OSBPL1A: variants seen among roughly 807,000 people sequenced by gnomAD.
OSBPL1A encodes the protein oxysterol binding protein like 1A.
In OSBPL1A, 80 loss-of-function variants were observed where a neutral mutation model predicts 137.1. The ratio of observed to expected loss-of-function variants is 0.58; its 90% confidence interval spans 0.49 to 0.70. The LOEUF (loss-of-function observed/expected upper bound fraction) is 0.70. Ranked by LOEUF, OSBPL1A falls within the 30% of genes least tolerant of loss-of-function variation. OSBPL1A has a pLI of 0.00. For synonymous variants in OSBPL1A, 365 were observed against 389.7 expected, an observed-to-expected ratio of 0.94 and a Z score of 0.75; for missense variants, 970 against 1,129.4, an observed-to-expected ratio of 0.86 and a Z score of 2.02.
chr18:24,365,790 C>CT (rs1599719988), intron 4 of OSBPL1A, among the ~76,000 whole-genome samples: 3 of 152,110 alleles, frequency 2.0e-5, no homozygotes, highest in South Asian at 4.1e-4. Context: ...AAAATGCACA[C>CT]TTACAATATG....
chr18:24,319,731 T>G (rs1228977038), intron 7 of OSBPL1A, among the ~76,000 whole-genome samples: 1 of 152,130 alleles, frequency 6.6e-6, no homozygotes, highest in African/African-American at 2.4e-5. Flanking sequence ...TCTCCTAGCC[T>G]CAAATAGCTT....
rs1451009917 is a variant in OSBPL1A at position 24,195,887 on chromosome 18, G to A, written c.1677+238C>T. ...AAATGTGCTGTGTCAACAGAAACAC[G>A]GCATTTTCAGTTTCTGTTTGTTTTT... On this transcript the variant is annotated intron_variant, in intron 18 of 27. Coordinates refer to ENST00000319481, the MANE Select transcript of OSBPL1A (RefSeq NM_080597.4). The A allele has an allele frequency of 2.8e-5, 13 of 462,920 alleles. 1 individual carries two copies. Among genetic ancestry groups the A allele is most frequent in the South Asian group, 1.3e-4 (6 of 44,842 alleles). The allele number at this position is 462,920 out of a possible 1,614,324, so 28.7% of individuals were successfully genotyped here. A position where few individuals can be genotyped will look rare whatever the true frequency, so the allele number is the denominator to read the frequency against.
At chr18:24,304,715 G>A (rs1463784803) in intron 13 of OSBPL1A, among the ~76,000 whole-genome samples, 5 of 151,994 alleles carry the variant, frequency 3.3e-5, no homozygotes, top group African/African-American at 1.2e-4. Flanking sequence ...ATGTCAAGGT[G>A]GCATAGGTAA....
At position 24,195,959 on chromosome 18, in the gene OSBPL1A, TTCTTGTCAGAAAAAAGTCACCTAC is replaced by T; in HGVS notation, c.1677+142_1677+165del. 3 of 610,080 alleles carry T rather than the reference TTCTTGTCAGAAAAAAGTCACCTAC, an allele frequency of 4.9e-6. No homozygotes were observed. The South Asian group carries it at 5.5e-5, about 11-fold the overall frequency. The allele number at this position is 610,080 out of a possible 1,614,324, so 37.8% of individuals were successfully genotyped here. ...ACTAAAGCCATTAGAGCAGCTCAAATTCTTGTCAGAAAAAAGTCACCTACGACTTTTCACAATTTATGATTCTCG... is the reference window on the plus strand; with the variant it reads ...ACTAAAGCCATTAGAGCAGCTCAAATGACTTTTCACAATTTATGATTCTCG... On this transcript the variant is annotated intron_variant, in intron 18 of 27. Coordinates refer to ENST00000319481, the MANE Select transcript of OSBPL1A (RefSeq NM_080597.4).
intron 9 of OSBPL1A, among the ~76,000 whole-genome samples, 184 bp from the exon 10 acceptor site, chr18:24,317,584 G>T (rs1383056835): frequency 6.6e-6 from 1 of 152,148 alleles, no homozygotes; most frequent in Non-Finnish European, 1.5e-5. Context: ...TACCACTACA[G>T]GGTGACAGGA....
intron 15 of OSBPL1A, among the ~76,000 whole-genome samples, chr18:24,276,258 C>T (rs2089843800): frequency 6.6e-6 from 1 of 152,144 alleles, no homozygotes; most frequent in South Asian, 2.1e-4. Context: ...AAACCAGTTT[C>T]TGGCATTTTG....
chr18:24,246,683 C>T (rs1032471310), intron 15 of OSBPL1A, among the ~76,000 whole-genome samples: 5 of 150,590 alleles, frequency 3.3e-5, no homozygotes, highest in Middle Eastern at 3.5e-3. Flanking sequence ...CCCAGCTAGT[C>T]GGGAGGCTGA....
intron 14 of OSBPL1A, among the ~76,000 whole-genome samples, chr18:24,284,288 T>A (rs2090025138): frequency 6.6e-6 from 1 of 152,114 alleles, no homozygotes; most frequent in East Asian, 1.9e-4. Flanking sequence ...TGCAAATACG[T>A]TTTAGCTGGT....
intron 14 of OSBPL1A, among the ~76,000 whole-genome samples, chr18:24,290,977 A>G (rs1033331296): frequency 6.6e-6 from 1 of 152,202 alleles, no homozygotes; most frequent in African/African-American, 2.4e-5. Context: ...TAAAACTAGT[A>G]GCCCAGAAGC....
chr18:24,229,470 C>T (rs1441771566), intron 16 of OSBPL1A, among the ~76,000 whole-genome samples: 1 of 152,224 alleles, frequency 6.6e-6, no homozygotes, highest in Admixed American at 6.5e-5. Flanking sequence ...ATAGTTTGGG[C>T]TTACTCTGTC....
intron 1 of OSBPL1A, among the ~76,000 whole-genome samples, chr18:24,397,220 C>T (rs1243804297): frequency 1.3e-5 from 2 of 152,192 alleles, no homozygotes; most frequent in South Asian, 4.1e-4. Context: ...CCACGCGGTA[C>T]ATTGGGAAAC....
intron 1 of OSBPL1A, among the ~76,000 whole-genome samples, chr18:24,387,921 G>A (rs543171415): frequency 1.3e-4 from 20 of 151,920 alleles, no homozygotes; most frequent in African/African-American, 4.4e-4. Context: ...GGCCTGCATC[G>A]CCTTCCCTAA....
At chr18:24,392,411 G>A (rs780185564) in intron 1 of OSBPL1A, among the ~76,000 whole-genome samples, 8 of 150,356 alleles carry the variant, frequency 5.3e-5, no homozygotes, top group Non-Finnish European at 5.9e-5. Context: ...TGCCCACCTC[G>A]GCCTCCCATA....
rs116705215 is a variant in OSBPL1A at position 24,174,912 on chromosome 18, A to C, written c.2094-2429T>G. 6.1e-3 allele frequency among the ~76,000 whole-genome samples: 926 copies of C among 150,978 alleles called. 8 individuals carry two copies. The highest frequency in any genetic ancestry group is 0.022 in the African/African-American group (892 of 41,016). ...CTTAGCTTCCCTAGTAGCTATGACT[A>C]CAGGCATGTGTCCCCATGCCTGGCT... On this transcript the variant is annotated intron_variant, in intron 21 of 27. Coordinates refer to ENST00000319481, the MANE Select transcript of OSBPL1A (RefSeq NM_080597.4).
At chr18:24,368,128 T>C (rs557440623) in intron 3 of OSBPL1A, 159 bp downstream of exon 3, 2 of 470,212 alleles carry the variant, frequency 4.3e-6, no homozygotes, top group Non-Finnish European at 7.7e-6. Context: ...ACCTAATTCA[T>C]GTATTTATTT....
intron 1 of OSBPL1A, among the ~76,000 whole-genome samples, chr18:24,390,160 A>G (rs1412607617): frequency 6.6e-6 from 1 of 152,152 alleles, no homozygotes. Context: ...CATACATATA[A>G]CAACATGCAA....
intron 16 of OSBPL1A, among the ~76,000 whole-genome samples, chr18:24,226,305 G>A (rs984198884): frequency 6.6e-6 from 1 of 152,206 alleles, no homozygotes; most frequent in Admixed American, 6.5e-5. Context: ...TTGTGAGTGG[G>A]CAAGACAGGA....
intron 17 of OSBPL1A, among the ~76,000 whole-genome samples, chr18:24,209,756 T>C (rs1253900343): frequency 2.0e-5 from 3 of 152,142 alleles, no homozygotes; most frequent in Admixed American, 2.0e-4. Context: ...CGGTGTTGAG[T>C]GACTAACGCC....
At chr18:24,288,198 C>T (rs1229339011) in intron 14 of OSBPL1A, among the ~76,000 whole-genome samples, 1 of 152,138 alleles carries the variant, frequency 6.6e-6, no homozygotes, top group African/African-American at 2.4e-5. Flanking sequence ...TGAGAAAAAG[C>T]GATTTCATAC....
Sources: gnomAD v4.1 joint callset for allele counts (sites outside exome capture counted in the v4.1 genomes callset) on GRCh38, gnomAD v4.1.1 for gene constraint, MANE v1.5 for transcripts, NCBI Gene and HGNC (gene_info 2026-07-23, HGNC 2026-07-21) for gene names.